GON4L: variants seen among roughly 807,000 people sequenced by gnomAD.
The protein encoded by GON4L is gon-4 like, also known as GON-4-like protein.
A neutral mutation model predicts 211.8 loss-of-function variants in GON4L; 87 were observed. The observed-to-expected ratio is 0.41, with a 90% CI of 0.35 to 0.49. The LOEUF is 0.49. GON4L is among the 20% of genes least tolerant of loss of function. The pLI is 0.15. For synonymous variants in GON4L, 875 were observed against 962.6 expected, an observed-to-expected ratio of 0.91 and a Z score of 1.68; for missense variants, 2,155 against 2,659.5, an observed-to-expected ratio of 0.81 and a Z score of 4.17.
chr1:155,788,812 C>T (rs999886713), intron 12 of GON4L, among the ~76,000 whole-genome samples: 10 of 152,030 alleles, frequency 6.6e-5, no homozygotes, highest in Admixed American at 4.6e-4. Flanking sequence ...AAAAAAAAGC[C>T]GGGCGCAGTG....
intron 6 of GON4L, among the ~76,000 whole-genome samples, chr1:155,819,060 C>T (rs1179272095): frequency 1.3e-5 from 2 of 152,034 alleles, no homozygotes; most frequent in South Asian, 2.1e-4. Context: ...GAGGCCAAGG[C>T]GGGCAGATGA....
intron 11 of GON4L, among the ~76,000 whole-genome samples, chr1:155,797,421 T>A (rs1666174119): frequency 6.6e-6 from 1 of 151,730 alleles, no homozygotes; most frequent in African/African-American, 2.4e-5. Context: ...TGGCGCCTCT[T>A]CCATAATGTT....
chr1:155,747,832 A>G, downstream of GON4L: 1 of 1,599,206 alleles, frequency 6.3e-7, no homozygotes, highest in Non-Finnish European at 8.5e-7. Flanking sequence ...GAGCTGCTAC[A>G]AGATGAATAT....
chr1:155,834,239 T>A (rs984721440), intron 2 of GON4L, among the ~76,000 whole-genome samples: 5 of 152,200 alleles, frequency 3.3e-5, no homozygotes, highest in Non-Finnish European at 7.3e-5. Flanking sequence ...ATTATCCTTA[T>A]CCCTCCTTTG....
At chr1:155,755,288 C>T (rs574785957) in intron 27 of GON4L, among the ~76,000 whole-genome samples, 3 of 152,126 alleles carry the variant, frequency 2.0e-5, no homozygotes, top group Admixed American at 6.5e-5. Flanking sequence ...AGGCTGGTTT[C>T]GAACTCCTGA....
At chr1:155,804,286 C>A (rs566605932) in intron 11 of GON4L, among the ~76,000 whole-genome samples, 1 of 151,994 alleles carries the variant, frequency 6.6e-6, no homozygotes, top group Non-Finnish European at 1.5e-5. Context: ...GACCTGAGGA[C>A]GATCTCTTGA....
chr1:155,823,359 T>A (rs1271632667), intron 3 of GON4L, among the ~76,000 whole-genome samples: 1 of 152,180 alleles, frequency 6.6e-6, no homozygotes, highest in Non-Finnish European at 1.5e-5. Context: ...GAAAAAGCAT[T>A]TGATGAAATT....
chr1:155,756,692 A>G (rs1446888695), intron 27 of GON4L: 9 of 384,272 alleles, frequency 2.3e-5, no homozygotes, highest in Non-Finnish European at 4.4e-5. Flanking sequence ...TGGGAGGCCG[A>G]GGCGGGTGGA....
At position 155,853,813 on chromosome 1, in the gene GON4L, G is replaced by A; in HGVS notation, c.-26-7C>T. The A allele has an allele frequency of 6.3e-7, 1 of 1,586,486 alleles. No homozygotes were observed. Among genetic ancestry groups the A allele is most frequent in the Non-Finnish European group, 8.6e-7 (1 of 1,156,292 alleles). ...GTCCCACTTTTGTTCCATTCTGAAA[G>A]AATAAAAAGTTCTTACTGCCTTCAT... On this transcript the variant is annotated splice_polypyrimidine_tract_variant and splice_region_variant and intron_variant, in intron 1 of 31. Coordinates refer to ENST00000368331, the MANE Select transcript of GON4L (RefSeq NM_001282860.2).
chr1:155,815,950 T>C (rs781561778), intron 7 of GON4L, 50 bp from the exon 8 acceptor site: 2 of 1,111,200 alleles, frequency 1.8e-6, no homozygotes, highest in Non-Finnish European at 2.8e-6. Context: ...ACACAAATCA[T>C]ACGTATTTGG....
Position 155,783,771 on chromosome 1 carries a change from T to C in GON4L, c.1892+215A>G, listed in dbSNP as rs534406336. On this transcript the variant is annotated intron_variant, in intron 14 of 31. Transcript: ENST00000368331. ...GATATGGATGCCAGCTACTGTTTTT[T>C]CTCCCTTCCCAAACGGATATAGCTT... Among the ~76,000 whole-genome samples, 25 of 152,308 alleles carry C rather than the reference T, an allele frequency of 1.6e-4. No homozygotes were observed. The South Asian group carries it at 5.0e-3, about 30-fold the overall frequency.
chr1:155,754,816 A>G (rs1661002362), intron 27 of GON4L, among the ~76,000 whole-genome samples: 1 of 151,136 alleles, frequency 6.6e-6, no homozygotes, highest in Non-Finnish European at 1.5e-5. Context: ...GGCATGAGCC[A>G]CTGTGCCTGG....
chr1:155,776,776 C>T (rs1168782057), intron 15 of GON4L, among the ~76,000 whole-genome samples: 1 of 152,026 alleles, frequency 6.6e-6, no homozygotes, highest in Non-Finnish European at 1.5e-5. Context: ...TGCTCTCGAA[C>T]TCCCTGGCTC....
rs1263298785 is a variant in GON4L at position 155,773,224 on chromosome 1, A to T, written c.2351-14T>A. 6.2e-7 allele frequency: 1 copy of T among 1,613,928 alleles called. No individual in the cohort carries two copies. Among genetic ancestry groups the T allele is most frequent in the South Asian group, 1.1e-5 (1 of 91,080 alleles). On this transcript the variant is annotated splice_polypyrimidine_tract_variant and intron_variant, in intron 17 of 31. Coordinates refer to ENST00000368331, the MANE Select transcript of GON4L (RefSeq NM_001282860.2). ...GAAATTCATTCGCTATAAGAAAATA[A>T]ATCTCGGATAAATCAACTTCTAGGA...
chr1:155,832,279 C>CAAAAAAAAAAAAAAA (rs71080731), intron 2 of GON4L, among the ~76,000 whole-genome samples: 6 of 57,346 alleles, frequency 1.0e-4, no homozygotes, highest in African/African-American at 2.1e-4. Flanking sequence ...GACTCCGTCT[C>CAAAAAAAAAAAAAAA]AAAAAAAAAA....
chr1:155,767,701 A>G (rs1461683647), intron 19 of GON4L, among the ~76,000 whole-genome samples, 160 bp from the exon 20 acceptor site: 1 of 152,218 alleles, frequency 6.6e-6, no homozygotes, highest in African/African-American at 2.4e-5. Context: ...GCACATATAT[A>G]AATAGCATAT....
In GON4L at chr1:155,752,488, TGAG is replaced by T. The variant is rs934160398; in HGVS notation, c.5942_5944del (p.Pro1981del). 6.3e-7 allele frequency: 1 copy of T among 1,583,682 alleles called. No homozygotes were observed. The highest frequency in any genetic ancestry group is 1.3e-5 in the African/African-American group (1 of 74,140). ...TACAGCTCCAGTTGTGGGGGGAAATTGAGGAGTCTCTGGTGAATGAGGTGGTGG... is the reference window on the plus strand; with the variant it reads ...TACAGCTCCAGTTGTGGGGGGAAATTGAGTCTCTGGTGAATGAGGTGGTGG... On this transcript the variant is annotated inframe_deletion, in exon 30 of 32. Coordinates refer to ENST00000368331, the MANE Select transcript of GON4L (RefSeq NM_001282860.2).
intron 1 of GON4L, among the ~76,000 whole-genome samples, chr1:155,854,377 G>A (rs1672087755): frequency 6.6e-6 from 1 of 152,076 alleles, no homozygotes; most frequent in Non-Finnish European, 1.5e-5. Context: ...GGATGGTCTC[G>A]AACTCCTGAC....
At chr1:155,853,228 C>A (rs1241316530) in intron 2 of GON4L, 48 bp downstream of exon 2, 1 of 1,483,290 alleles carries the variant, frequency 6.7e-7, no homozygotes, top group Admixed American at 1.7e-5. Flanking sequence ...ATAGCAATGG[C>A]AAAGTGGTAT....
Sources: gnomAD v4.1 joint callset for allele counts (sites outside exome capture counted in the v4.1 genomes callset) on GRCh38, gnomAD v4.1.1 for gene constraint, MANE v1.5 for transcripts, NCBI Gene and HGNC (gene_info 2026-07-23, HGNC 2026-07-21) for gene names.